The following CADPS2 variants were observed in gnomAD, a reference collection of about 807,000 sequenced individuals.
CADPS2 encodes the protein calcium-dependent secretion activator 2.
In CADPS2, 93 loss-of-function variants were observed where a neutral mutation model predicts 172.5. The ratio of observed to expected loss-of-function variants is 0.54; its 90% CI spans 0.46 to 0.64. The LOEUF is 0.64. CADPS2 is among the 30% of genes least tolerant of loss of function. CADPS2 has a pLI of 0.00. For synonymous variants in CADPS2, 546 were observed against 555.2 expected, an observed-to-expected ratio of 0.98 and a Z score of 0.23; for missense variants, 1,420 against 1,565.9, an observed-to-expected ratio of 0.91 and a Z score of 1.57.
intron 8 of CADPS2, among the ~76,000 whole-genome samples, chr7:122,540,089 A>G (rs1000653316): frequency 1.3e-5 from 2 of 152,042 alleles, no homozygotes; most frequent in African/African-American, 4.8e-5. Context: ...TGCGTATTTG[A>G]GATTTAGTCT....
intron 27 of CADPS2, among the ~76,000 whole-genome samples, chr7:122,351,003 A>G (rs2038471810): frequency 6.6e-6 from 1 of 151,962 alleles, no homozygotes. Flanking sequence ...AAATTTAAAC[A>G]ACGAACAAGT....
chr7:122,468,490 C>T (rs187690178), intron 14 of CADPS2, among the ~76,000 whole-genome samples: 10 of 152,220 alleles, frequency 6.6e-5, no homozygotes, highest in Non-Finnish European at 4.4e-5. Context: ...AGGTACAGTC[C>T]TAACTACATA....
At chr7:122,488,053 A>T (rs905668391) in intron 11 of CADPS2, among the ~76,000 whole-genome samples, 3 of 152,212 alleles carry the variant, frequency 2.0e-5, no homozygotes, top group African/African-American at 7.2e-5. Context: ...AATGCTGTAG[A>T]ACTGTAGCTT....
At chr7:122,822,017 A>G (rs1156693463) in intron 1 of CADPS2, among the ~76,000 whole-genome samples, 63 of 146,692 alleles carry the variant, frequency 4.3e-4, no homozygotes, top group South Asian at 6.7e-4. Context: ...TCATACTCCT[A>G]TTCACCGTTC....
At chr7:122,835,392 G>A (rs1290527523) in intron 1 of CADPS2, among the ~76,000 whole-genome samples, 2 of 152,206 alleles carry the variant, frequency 1.3e-5, no homozygotes, top group Admixed American at 6.5e-5. Context: ...CCCCTCCAAA[G>A]GAACGCAGCT....
chr7:122,724,796 C>G (rs922825450), intron 2 of CADPS2, among the ~76,000 whole-genome samples: 66 of 151,952 alleles, frequency 4.3e-4, no homozygotes, highest in African/African-American at 1.5e-3. Flanking sequence ...TCCACAAGTC[C>G]TGTAAGTCAG....
intron 2 of CADPS2, among the ~76,000 whole-genome samples, chr7:122,727,800 C>A (rs930748797): frequency 2.0e-5 from 3 of 151,852 alleles, no homozygotes; most frequent in African/African-American, 7.3e-5. Flanking sequence ...ACACATTGTG[C>A]AAATTCTTAC....
At chr7:122,743,598 G>A (rs2092593428) in intron 1 of CADPS2, among the ~76,000 whole-genome samples, 1 of 152,086 alleles carries the variant, frequency 6.6e-6, no homozygotes, top group Non-Finnish European at 1.5e-5. Context: ...TTGGGGCATG[G>A]GTGTGCATTT....
rs372575809 is a variant in CADPS2, at chr7:122,393,577, A to G, written c.2752T>C (p.Leu918=). The part of the protein sequence containing the change: ...LNNFLRNDTL[L]CNGKFHKHLQ... ...TGTTTGTGAAATTTTCCATTACACA[A>G]AAGTGCTGAAATAGCCAAGCAGAAA... Residue 918 remains leucine, a synonymous_variant, in exon 21 of 30, where the codon TTG becomes CTG. Coordinates refer to ENST00000449022, the MANE Select transcript of CADPS2 (RefSeq NM_017954.11). 4 of 1,613,674 alleles carry G rather than the reference A, an allele frequency of 2.5e-6. No homozygotes were observed. Among genetic ancestry groups the G allele is most frequent in the South Asian group, 2.2e-5 (2 of 91,072 alleles).
chr7:122,579,431 C>T (rs2068500116), intron 7 of CADPS2, among the ~76,000 whole-genome samples: 2 of 136,254 alleles, frequency 1.5e-5, no homozygotes, highest in South Asian at 4.8e-4. Flanking sequence ...AGCGGTTTCT[C>T]AGATATAAAA....
intron 8 of CADPS2, among the ~76,000 whole-genome samples, chr7:122,538,986 G>A (rs1297727736): frequency 6.6e-6 from 1 of 152,004 alleles, no homozygotes; most frequent in East Asian, 1.9e-4. Flanking sequence ...AATACTGGAT[G>A]TTTAATGAAA....
chr7:122,731,148 T>C (rs904924369), intron 2 of CADPS2, among the ~76,000 whole-genome samples: 2 of 151,672 alleles, frequency 1.3e-5, no homozygotes, highest in Admixed American at 6.6e-5. Flanking sequence ...CTCTCTCATT[T>C]ATTCTTTGGA....
chr7:122,499,013 C>T (rs2058984237), intron 9 of CADPS2, among the ~76,000 whole-genome samples: 1 of 152,194 alleles, frequency 6.6e-6, no homozygotes, highest in African/African-American at 2.4e-5. Context: ...TGGTCATCAC[C>T]AATCCAGGAT....
At chr7:122,601,375 A>C (rs1480590604) in intron 6 of CADPS2, among the ~76,000 whole-genome samples, 1 of 152,056 alleles carries the variant, frequency 6.6e-6, no homozygotes, top group Admixed American at 6.6e-5. Context: ...TTATAAGCCA[A>C]AAGACTTCAC....
intron 6 of CADPS2, among the ~76,000 whole-genome samples, chr7:122,604,607 C>G (rs1240661229): frequency 6.6e-6 from 1 of 152,116 alleles, no homozygotes; most frequent in African/African-American, 2.4e-5. Flanking sequence ...TTAGTTCAGG[C>G]TCAAATAAAT....
intron 1 of CADPS2, among the ~76,000 whole-genome samples, chr7:122,832,772 A>G (rs1200398272): frequency 2.0e-5 from 3 of 152,254 alleles, no homozygotes; most frequent in Non-Finnish European, 2.9e-5. Flanking sequence ...ACAGTACAAT[A>G]TGGGAACTGC....
At chr7:122,434,569 G>A (rs2050397332) in intron 17 of CADPS2, among the ~76,000 whole-genome samples, 1 of 152,142 alleles carries the variant, frequency 6.6e-6, no homozygotes, top group Admixed American at 6.5e-5. Context: ...ACAGTGGTGG[G>A]TGCTGGGAAT....
intron 2 of CADPS2, among the ~76,000 whole-genome samples, chr7:122,682,648 T>G (rs2083176981): frequency 6.6e-6 from 1 of 152,348 alleles, no homozygotes; most frequent in South Asian, 2.1e-4. Context: ...CAACTTCAAT[T>G]ACAGAATTCA....
chr7:122,707,572 T>A (rs1454844065), intron 2 of CADPS2, among the ~76,000 whole-genome samples: 1 of 152,018 alleles, frequency 6.6e-6, no homozygotes, highest in Non-Finnish European at 1.5e-5. Flanking sequence ...TATAATATCA[T>A]GAGAGCTCTC....
Sources: allele counts gnomAD v4.1 joint callset (sites outside exome capture counted in the v4.1 genomes callset), GRCh38; gene constraint gnomAD v4.1.1; transcripts MANE v1.5; gene names NCBI Gene and HGNC (gene_info 2026-07-23, HGNC 2026-07-21).